NHLRC2: variants seen among roughly 807,000 people sequenced by gnomAD.
NHLRC2 encodes NHL repeat-containing protein 2.
A neutral mutation model predicts 68.1 loss-of-function variants in NHLRC2; 33 were observed. That is an observed-to-expected ratio of 0.48 (90% CI 0.37 to 0.65). The LOEUF (loss-of-function observed/expected upper bound fraction) is 0.65. Ranked by LOEUF, NHLRC2 falls within the 30% of genes least tolerant of loss-of-function variation. The probability of loss-of-function intolerance (pLI) is 0.00; values close to 1 mark genes in which losing one functional copy is unlikely to be tolerated. For missense variants in NHLRC2, 761 were observed against 853.8 expected (o/e 0.89, Z 1.35); for synonymous variants, 311 against 309.6 (o/e 1.00, Z -0.05).
chr10:113,884,884 T>C (rs1373951140), intron 5 of NHLRC2, among the ~76,000 whole-genome samples: 1 of 151,808 alleles, frequency 6.6e-6, no homozygotes, highest in Non-Finnish European at 1.5e-5. Flanking sequence ...TTTACCCTAG[T>C]GAATTGTGTA....
chr10:113,902,023 T>G, intron 7 of NHLRC2, 126 bp downstream of exon 7: 1 of 666,566 alleles, frequency 1.5e-6, no homozygotes, highest in South Asian at 2.0e-5. Context: ...AAAATGAAAG[T>G]CAGACCAAAG....
chr10:113,884,452 T>C (rs1846063957), intron 5 of NHLRC2, 72 bp downstream of exon 5: 1 of 1,272,198 alleles, frequency 7.9e-7, no homozygotes, highest in Non-Finnish European at 1.1e-6. Context: ...ATTCTTGAGG[T>C]GGTCATTTGG....
chr10:113,908,598 T>C lies in NHLRC2; in HGVS notation c.*62T>C. On this transcript the variant is annotated 3_prime_UTR_variant, in exon 11 of 11. Coordinates refer to ENST00000369301, the MANE Select transcript of NHLRC2 (RefSeq NM_198514.4). Reference sequence around the variant, plus strand: ...CTGTCTCCCATCCTGACTATCACTGTAATTTAAGGAAAGAAAACTTCAGTT... The same window carrying C: ...CTGTCTCCCATCCTGACTATCACTGCAATTTAAGGAAAGAAAACTTCAGTT... 3 of 1,556,936 alleles carry C rather than the reference T, an allele frequency of 1.9e-6. No homozygotes were observed. Among genetic ancestry groups the C allele is most frequent in the Non-Finnish European group, 2.6e-6 (3 of 1,136,524 alleles).
intron 2 of NHLRC2, among the ~76,000 whole-genome samples, chr10:113,871,416 T>C (rs1245263494): frequency 6.6e-6 from 1 of 152,222 alleles, no homozygotes; most frequent in Non-Finnish European, 1.5e-5. Context: ...TTTTTCAGTC[T>C]TATGCCTCTA....
In NHLRC2 at chr10:113,908,453, G is replaced by A. The variant is rs1846294738; in HGVS notation, c.2098G>A (p.Ala700Thr). 3.7e-6 allele frequency: 6 copies of A among 1,613,762 alleles called. No homozygotes were observed. The highest frequency in any genetic ancestry group is 5.1e-6 in the Non-Finnish European group (6 of 1,179,826). The change falls in exon 11 of 11, where the codon GCA (alanine) becomes ACA (threonine). Residue 700 changes from alanine to threonine, a missense_variant. Ala to Thr is a moderately conservative substitution (Grantham distance 58). Coordinates refer to ENST00000369301, the MANE Select transcript of NHLRC2 (RefSeq NM_198514.4). Reference protein sequence around the residue: ...SADSSACMMKAILFSQPLQIT... With the variant: ...SADSSACMMKTILFSQPLQIT... ...AGACAGCAGTGCTTGTATGATGAAG[G>A]CAATTTTGTTCAGTCAGCCTTTACA...
rs1846374050 is a variant in NHLRC2 at position 113,915,425 on chromosome 10, A to G, written c.*6889A>G. 2 of 354,824 alleles carry G rather than the reference A, an allele frequency of 5.6e-6. No homozygotes were observed. Among genetic ancestry groups the G allele is most frequent in the Non-Finnish European group, 1.1e-5 (2 of 180,874 alleles). The allele number at this position is 354,824 out of a possible 1,614,324, so 22.0% of individuals were successfully genotyped here. A position where few individuals can be genotyped will look rare whatever the true frequency, so the allele number is the denominator to read the frequency against. ...GCTTGGTGGCTTTAAGTAATATAGC[A>G]TTAAGCAAATGGTCAGTTATTTTTT... On this transcript the variant is annotated 3_prime_UTR_variant, in exon 11 of 11. Coordinates refer to ENST00000369301, the MANE Select transcript of NHLRC2 (RefSeq NM_198514.4).
intron 5 of NHLRC2, among the ~76,000 whole-genome samples, chr10:113,886,322 A>T (rs1307430138): frequency 1.3e-5 from 2 of 152,178 alleles, no homozygotes; most frequent in African/African-American, 2.4e-5. Flanking sequence ...CCAAACCATT[A>T]TACAGATTCA....
At chr10:113,869,604 G>A (rs1307901719) in intron 2 of NHLRC2, among the ~76,000 whole-genome samples, 2 of 151,970 alleles carry the variant, frequency 1.3e-5, no homozygotes, top group Admixed American at 1.3e-4. Context: ...ATCTCCTTCA[G>A]CGTTCTCTGC....
In NHLRC2 at chr10:113,915,431, C is replaced by A; in HGVS notation, c.*6895C>A. ...TGGCTTTAAGTAATATAGCATTAAG[C>A]AAATGGTCAGTTATTTTTTAATGTT... On this transcript the variant is annotated 3_prime_UTR_variant, in exon 11 of 11. Coordinates refer to ENST00000369301, the MANE Select transcript of NHLRC2 (RefSeq NM_198514.4). 1 of 351,528 alleles carries A rather than the reference C, an allele frequency of 2.8e-6. No individual in the cohort carries two copies. The allele number at this position is 351,528 out of a possible 1,614,324, so 21.8% of individuals were successfully genotyped here. A position where few individuals can be genotyped will look rare whatever the true frequency, so the allele number is the denominator to read the frequency against.
intron 5 of NHLRC2, among the ~76,000 whole-genome samples, chr10:113,888,216 G>GA (rs1257613276): frequency 6.6e-6 from 1 of 152,200 alleles, no homozygotes; most frequent in Non-Finnish European, 1.5e-5. Context: ...GTTTCAATTG[G>GA]AGGAATAAGT....
intron 3 of NHLRC2, 26 bp from the exon 4 acceptor site, chr10:113,879,548 A>G: frequency 4.4e-6 from 7 of 1,583,300 alleles, no homozygotes; most frequent in Non-Finnish European, 6.0e-6. Flanking sequence ...ATCACTTCTT[A>G]AGTGGCAAAT....
Position 113,908,563 on chromosome 10 carries a change from C to G in NHLRC2, c.*27C>G. 1.2e-6 allele frequency: 2 copies of G among 1,611,072 alleles called. No homozygotes were observed. The highest frequency in any genetic ancestry group is 1.7e-6 in the Non-Finnish European group (2 of 1,178,030). On this transcript the variant is annotated 3_prime_UTR_variant, in exon 11 of 11. Transcript: ENST00000369301. ...CAGCCAGCTAGCTAGCAACCCATTG[C>G]CACCACCTACTGTCTCCCATCCTGA...
chr10:113,875,872 G>T (rs1845975023), intron 2 of NHLRC2, among the ~76,000 whole-genome samples: 1 of 149,448 alleles, frequency 6.7e-6, no homozygotes, highest in Non-Finnish European at 1.5e-5. Flanking sequence ...TACTACTTTG[G>T]TAGTCAATAT....
rs1199807512 is a variant in NHLRC2, at chr10:113,914,982, A to G, written c.*6446A>G. 2.2e-6 allele frequency: 1 copy of G among 456,308 alleles called. No individual in the cohort carries two copies. The highest frequency in any genetic ancestry group is 4.4e-6 in the Non-Finnish European group (1 of 226,980). The allele number at this position is 456,308 out of a possible 1,614,324, so 28.3% of individuals were successfully genotyped here. ...GCTTGCAGAAGGCTGCCCCAATCAC[A>G]GAGCCTGGGTAAGGTGGAACAGGAG... On this transcript the variant is annotated 3_prime_UTR_variant, in exon 11 of 11. Transcript: ENST00000369301.
chr10:113,876,109 TA>T (rs74263601), intron 2 of NHLRC2, among the ~76,000 whole-genome samples: 122 of 143,800 alleles, frequency 8.5e-4, no homozygotes, highest in Admixed American at 1.0e-3. Flanking sequence ...AAAGTTAGAT[TA>T]AAAAAAAAAA....
chr10:113,877,963 A>G lies in NHLRC2; in HGVS notation c.787+987A>G, dbSNP rs182584894. Among the ~76,000 whole-genome samples, 65 of 152,312 alleles carry G rather than the reference A, an allele frequency of 4.3e-4. 1 individual carries two copies. The East Asian group carries it at 0.012, about 28-fold the overall frequency. ...TAGCAGTTTGAATTTAAGTGGTTTT[A>G]AAAGTTAATAGATTCTGTGATTTTC... On this transcript the variant is annotated intron_variant, in intron 3 of 10. Coordinates refer to ENST00000369301, the MANE Select transcript of NHLRC2 (RefSeq NM_198514.4).
chr10:113,868,881 A>G (rs919259033), intron 2 of NHLRC2, among the ~76,000 whole-genome samples: 4 of 152,214 alleles, frequency 2.6e-5, no homozygotes, highest in South Asian at 2.1e-4. Context: ...CAGAGGGAAC[A>G]CTGTATGCCA....
rs1487658452 is a variant in NHLRC2 at position 113,855,012 on chromosome 10, G to A, written c.140G>A (p.Gly47Asp). 10 of 1,553,218 alleles carry A rather than the reference G, an allele frequency of 6.4e-6. No homozygotes were observed. Among genetic ancestry groups the A allele is most frequent in the Non-Finnish European group, 4.4e-6 (5 of 1,147,866 alleles). The change falls in exon 1 of 11, where the codon GGC (glycine) becomes GAC (aspartate). Residue 47 changes from glycine (G) to aspartate (D), a missense_variant. Gly to Asp is a moderately conservative substitution (Grantham distance 94). Coordinates refer to ENST00000369301, the MANE Select transcript of NHLRC2 (RefSeq NM_198514.4). ...TACCAGTATCTGCAGAAGGTGGACG[G>A]CTGGGAGCAGGACTTGTCAGTACCC... ...LVYQYLQKVD[G>D]WEQDLSVPEF...
intron 5 of NHLRC2, among the ~76,000 whole-genome samples, chr10:113,890,115 T>G (rs1846118127): frequency 6.6e-6 from 1 of 152,204 alleles, no homozygotes; most frequent in Admixed American, 6.5e-5. Flanking sequence ...CAGACTGTTT[T>G]CCACAGTGGC....
Sources: gnomAD v4.1 joint callset for allele counts (sites outside exome capture counted in the v4.1 genomes callset) on GRCh38, gnomAD v4.1.1 for gene constraint, MANE v1.5 for transcripts, NCBI Gene and HGNC (gene_info 2026-07-23, HGNC 2026-07-21) for gene names.